Variants in FCHO2 observed in about 807,000 individuals in gnomAD.
The protein encoded by FCHO2 is F-BAR domain only protein 2.
In FCHO2, 43 loss-of-function variants were observed where a neutral mutation model predicts 114.1. That is an observed-to-expected ratio of 0.38 (90% CI 0.30 to 0.49). FCHO2 has a LOEUF of 0.49. Ranked by LOEUF, FCHO2 falls within the 20% of genes least tolerant of loss-of-function variation. FCHO2 has a pLI of 0.97. For missense variants in FCHO2, 807 were observed against 950.4 expected (o/e 0.85, Z 1.98); for synonymous variants, 293 against 315.2 (o/e 0.93, Z 0.75).
At chr5:72,959,441 AAG>A (rs1428241908) in intron 1 of FCHO2, among the ~76,000 whole-genome samples, 1 of 152,084 alleles carries the variant, frequency 6.6e-6, no homozygotes, top group Non-Finnish European at 1.5e-5. Flanking sequence ...CCAGGAGTTC[AAG>A]GTTGCAGTAG....
chr5:73,001,479 A>C (rs939902237), intron 5 of FCHO2, among the ~76,000 whole-genome samples: 9 of 151,420 alleles, frequency 5.9e-5, no homozygotes, highest in Admixed American at 2.6e-4. Flanking sequence ...AAAGAAATGA[A>C]AAGAAATTTC....
chr5:72,977,695 T>C (rs1475111192), intron 2 of FCHO2, among the ~76,000 whole-genome samples: 1 of 152,206 alleles, frequency 6.6e-6, no homozygotes, highest in African/African-American at 2.4e-5. Context: ...TCTTTGCCTA[T>C]GCCTATGTTC....
intron 8 of FCHO2, among the ~76,000 whole-genome samples, chr5:73,032,319 C>G (rs764388358): frequency 1.4e-4 from 21 of 151,998 alleles, no homozygotes; most frequent in Non-Finnish European, 2.9e-4. Context: ...GGATGGTACT[C>G]AATTTAAAAT....
chr5:72,997,133 T>A, intron 5 of FCHO2: 1 of 1,129,686 alleles, frequency 8.9e-7, no homozygotes, highest in South Asian at 1.2e-5. Flanking sequence ...ACTTATTCAC[T>A]CCCACCATGA....
intron 1 of FCHO2, among the ~76,000 whole-genome samples, chr5:72,963,740 G>A (rs913257397): frequency 4.6e-5 from 7 of 151,770 alleles, no homozygotes; most frequent in Admixed American, 1.3e-4. Context: ...TTGTAGGGAC[G>A]AGGTCTTGCT....
chr5:73,075,819 A>G (rs1371660623), intron 20 of FCHO2, among the ~76,000 whole-genome samples: 2 of 152,158 alleles, frequency 1.3e-5, no homozygotes, highest in Non-Finnish European at 2.9e-5. Context: ...GATTTGTTGG[A>G]GGCAAAATGC....
At chr5:72,978,555 C>A (rs1414853184) in intron 2 of FCHO2, among the ~76,000 whole-genome samples, 1 of 152,168 alleles carries the variant, frequency 6.6e-6, no homozygotes, top group Admixed American at 6.5e-5. Context: ...CATCTTCAAA[C>A]AGAGACAATT....
At chr5:73,074,466 G>A (rs766135876) in intron 19 of FCHO2, among the ~76,000 whole-genome samples, 1 of 152,022 alleles carries the variant, frequency 6.6e-6, no homozygotes, top group Non-Finnish European at 1.5e-5. Context: ...TAGCTGTTTA[G>A]TCAAGGGCTT....
At position 73,005,178 on chromosome 5, in the gene FCHO2, C is replaced by T. The variant is rs532333617; in HGVS notation, c.496-1267C>T. On this transcript the variant is annotated intron_variant, in intron 5 of 25. Coordinates refer to ENST00000430046, the MANE Select transcript of FCHO2 (RefSeq NM_138782.3). The stretch of plus-strand genomic sequence containing the variant: ...ACATTTTAGAGAGAGTACAAAGTTG[C>T]TTGTTTAGGGAGTAGGACTATATGT... Among the ~76,000 whole-genome samples, 8 of 152,228 alleles carry T rather than the reference C, an allele frequency of 5.3e-5. No homozygotes were observed. The South Asian group carries it at 1.4e-3, about 28-fold the overall frequency.
Position 72,990,626 on chromosome 5 carries a change from G to GT in FCHO2, c.342+14dup. On this transcript the variant is annotated splice_region_variant and intron_variant, in intron 4 of 25. Coordinates refer to ENST00000430046, the MANE Select transcript of FCHO2 (RefSeq NM_138782.3). ...AGTAAAGTCTCATAAAAAGGTATCA[G>GT]TTTTTTTCTTGTTAAATAATTGATT... is the stretch of plus-strand genomic sequence containing the variant. The GT allele has an allele frequency of 6.5e-7, 1 of 1,528,452 alleles. No homozygotes were observed. The highest frequency in any genetic ancestry group is 8.8e-7 in the Non-Finnish European group (1 of 1,142,728). 94.7% of individuals were successfully genotyped at this position (1,528,452 alleles called of 1,614,324 possible). A position where few individuals can be genotyped will look rare whatever the true frequency, so the allele number is the denominator to read the frequency against.
intron 19 of FCHO2, among the ~76,000 whole-genome samples, chr5:73,073,360 A>C (rs1312199702): frequency 6.6e-6 from 1 of 152,052 alleles, no homozygotes; most frequent in Non-Finnish European, 1.5e-5. Flanking sequence ...TCATACCCTA[A>C]TCTGGATCAT....
At chr5:72,965,040 A>G (rs1403510686) in intron 1 of FCHO2, among the ~76,000 whole-genome samples, 1 of 151,774 alleles carries the variant, frequency 6.6e-6, no homozygotes, top group African/African-American at 2.4e-5. Flanking sequence ...GTTCATGACC[A>G]GTATATAAAG....
At chr5:73,064,674 A>G (rs1418035939) in intron 18 of FCHO2, among the ~76,000 whole-genome samples, 1 of 152,154 alleles carries the variant, frequency 6.6e-6, no homozygotes, top group South Asian at 2.1e-4. Context: ...TCAACAACCT[A>G]CATTACCAGA....
rs199937882 is a variant in FCHO2 at position 73,056,485 on chromosome 5, T to TC, written c.1253+379dup. On this transcript the variant is annotated intron_variant, in intron 16 of 25. Transcript: ENST00000430046. ...CACTTACATTTTAAGTATCCTTTTGTCTTTTTTTCTAGAGTTTTATTAGCT... is the reference window on the plus strand; with the variant it reads ...CACTTACATTTTAAGTATCCTTTTGTCCTTTTTTTCTAGAGTTTTATTAGCT... Among the ~76,000 whole-genome samples the TC allele has an allele frequency of 1.6e-3, 251 of 152,304 alleles. 1 individual carries two copies. The highest frequency in any genetic ancestry group is 5.9e-3 in the African/African-American group (245 of 41,558).
At chr5:73,031,994 T>A (rs568536689) in intron 8 of FCHO2, among the ~76,000 whole-genome samples, 12 of 152,352 alleles carry the variant, frequency 7.9e-5, no homozygotes, top group Admixed American at 7.8e-4. Context: ...ATAACTTGTC[T>A]TATGATTAAA....
chr5:73,054,631 G>T, intron 15 of FCHO2, 82 bp downstream of exon 15: 3 of 1,029,646 alleles, frequency 2.9e-6, no homozygotes, highest in African/African-American at 1.6e-5. Flanking sequence ...TTTAGCTGTA[G>T]AAATAAATGA....
chr5:72,982,826 ATTT>A lies in FCHO2; in HGVS notation c.126-6583_126-6581del, dbSNP rs36075860. 7.6e-3 allele frequency among the ~76,000 whole-genome samples: 821 copies of A among 108,118 alleles called. 3 individuals carry two copies. The highest frequency in any genetic ancestry group is 0.018 in the African/African-American group (541 of 30,236). 70.9% of individuals were successfully genotyped at this position (108,118 alleles called of 152,430 possible). A position where few individuals can be genotyped will look rare whatever the true frequency, so the allele number is the denominator to read the frequency against. On this transcript the variant is annotated intron_variant, in intron 2 of 25. Transcript: ENST00000430046. ...GGGTGTAAGGTCTGTGTCTGGATTC[ATTT>A]TTTTTTTTTTTTTTTTTGCATATAG...
chr5:73,016,002 A>G (rs1241172684), intron 7 of FCHO2, among the ~76,000 whole-genome samples: 1 of 152,108 alleles, frequency 6.6e-6, no homozygotes, highest in Non-Finnish European at 1.5e-5. Flanking sequence ...ACTTTTGAAT[A>G]TTTCTTTTTT....
At chr5:73,065,636 TATTA>T (rs914933731) in intron 18 of FCHO2, among the ~76,000 whole-genome samples, 6 of 152,064 alleles carry the variant, frequency 3.9e-5, no homozygotes, top group South Asian at 2.1e-4. Flanking sequence ...GCTCAAAAAT[TATTA>T]ATTGTATAGG....
Sources: gnomAD v4.1 joint callset for allele counts (sites outside exome capture counted in the v4.1 genomes callset) on GRCh38, gnomAD v4.1.1 for gene constraint, MANE v1.5 for transcripts, NCBI Gene and HGNC (gene_info 2026-07-23, HGNC 2026-07-21) for gene names.